ZRANB1: variants seen among roughly 807,000 people sequenced by gnomAD.
ZRANB1 encodes ubiquitin thioesterase ZRANB1.
In ZRANB1, 16 loss-of-function variants were observed where a neutral mutation model predicts 80.5. That is an observed-to-expected ratio of 0.20 (90% CI 0.13 to 0.30). The LOEUF (loss-of-function observed/expected upper bound fraction) is 0.30. Ranked by LOEUF, ZRANB1 falls within the 10% of genes least tolerant of loss-of-function variation. ZRANB1 has a pLI of 1.00. For missense variants in ZRANB1, 576 were observed against 862.6 expected (o/e 0.67, Z 4.16); for synonymous variants, 291 against 293.1 (o/e 0.99, Z 0.07).
chr10:124,985,310 T>A lies in ZRANB1; in HGVS notation c.*318T>A, dbSNP rs558061130. ...GTAAGACATTGTTTAATAGGAAAAG[T>A]TGTACCAGCATCTTCATATTATTGA... On this transcript the variant is annotated 3_prime_UTR_variant, in exon 9 of 9. Transcript: ENST00000359653. 8.0e-4 allele frequency: 173 copies of A among 217,370 alleles called. 1 individual carries two copies. The highest frequency in any genetic ancestry group is 1.7e-3 in the Admixed American group (29 of 17,522). 13.5% of individuals were successfully genotyped at this position (217,370 alleles called of 1,614,324 possible). A position where few individuals can be genotyped will look rare whatever the true frequency, so the allele number is the denominator to read the frequency against.
chr10:124,969,619 TAAG>T (rs1564964069), intron 2 of ZRANB1, among the ~76,000 whole-genome samples: 1 of 152,034 alleles, frequency 6.6e-6, no homozygotes, highest in African/African-American at 2.4e-5. Context: ...ATACAAAAAA[TAAG>T]AAGTAAATGA....
upstream of ZRANB1, among the ~76,000 whole-genome samples, chr10:124,939,491 G>GT (rs948760868): frequency 4.6e-5 from 7 of 152,012 alleles, no homozygotes; most frequent in Admixed American, 1.3e-4. Flanking sequence ...TTTTTTGTTT[G>GT]TTTTTTAAAT....
chr10:124,970,104 A>G (rs867901618), intron 2 of ZRANB1, among the ~76,000 whole-genome samples: 1 of 152,282 alleles, frequency 6.6e-6, no homozygotes, highest in Middle Eastern at 3.4e-3. Context: ...GAAATAGTCA[A>G]TTATATTCTG....
rs1205025652 is a variant in ZRANB1 at position 124,987,848 on chromosome 10, A to ATACTT, written c.*2858_*2862dup. On this transcript the variant is annotated 3_prime_UTR_variant, in exon 9 of 9. Coordinates refer to ENST00000359653, the MANE Select transcript of ZRANB1 (RefSeq NM_017580.3). ...TGTTGGACTTAATTGACACTTGCAAATACTTTTAGTATAAAGGTTTAATTC... is the reference window on the plus strand; with the variant it reads ...TGTTGGACTTAATTGACACTTGCAAATACTTTACTTTTAGTATAAAGGTTTAATTC... The ATACTT allele has an allele frequency of 2.0e-5, 3 of 152,238 alleles. No individual in the cohort carries two copies. The highest frequency in any genetic ancestry group is 4.4e-5 in the Non-Finnish European group (3 of 68,038). The allele number at this position is 152,238 out of a possible 1,614,324, so 9.4% of individuals were successfully genotyped here.
chr10:124,932,031 CT>C, the ZRANB1 span, among the ~76,000 whole-genome samples: 48 of 152,300 alleles, frequency 3.2e-4, no homozygotes, highest in Admixed American at 5.2e-4. Flanking sequence ...CATGTTTTGC[CT>C]TTTCTAGAAT....
chr10:124,919,328 T>A, the ZRANB1 span, among the ~76,000 whole-genome samples: 6 of 152,250 alleles, frequency 3.9e-5, no homozygotes, highest in South Asian at 1.2e-3. Flanking sequence ...GCGGATCGCC[T>A]GAGGTCAGTA....
At chr10:124,928,338 C>G in the ZRANB1 span, among the ~76,000 whole-genome samples, 1 of 152,178 alleles carries the variant, frequency 6.6e-6, no homozygotes, top group Non-Finnish European at 1.5e-5. Context: ...TCACCTTCCC[C>G]TGGGGCTGGG....
At chr10:124,935,672 A>T in the ZRANB1 span, among the ~76,000 whole-genome samples, 8,391 of 152,250 alleles carry the variant, frequency 0.055, 755 homozygotes, top group African/African-American at 0.19. Context: ...GCTGCCATGG[A>T]GTTGATTCCA....
Position 124,985,016 on chromosome 10 carries a change from A to G in ZRANB1, c.*24A>G. ...GAAAAAAAAAATCAAACAGCAGAAG[A>G]CCAAGGCATCAGATCTGTAATGACC... is the stretch of plus-strand genomic sequence containing the variant. On this transcript the variant is annotated 3_prime_UTR_variant, in exon 9 of 9. Transcript: ENST00000359653. The G allele has an allele frequency of 6.4e-7, 1 of 1,558,096 alleles. No homozygotes were observed. Among genetic ancestry groups the G allele is most frequent in the Non-Finnish European group, 8.8e-7 (1 of 1,141,004 alleles).
rs74160982 is a variant in ZRANB1, at chr10:124,952,349, G to A, written c.814+9042G>A. On this transcript the variant is annotated intron_variant, in intron 1 of 8. Transcript: ENST00000359653. ...TATAGATGGGACCATGAGAAGAGAA[G>A]CGGAGGCTTGAGAGAGTTGCAGGGC... is the stretch of plus-strand genomic sequence containing the variant. Among the ~76,000 whole-genome samples, 674 of 152,270 alleles carry A rather than the reference G, an allele frequency of 4.4e-3. 2 individuals carry two copies. Among genetic ancestry groups the A allele is most frequent in the African/African-American group, 0.012 (500 of 41,560 alleles).
rs1952018098 is a variant in ZRANB1 at position 124,985,731 on chromosome 10, G to T, written c.*739G>T. The T allele has an allele frequency of 6.6e-6, 1 of 152,354 alleles. No individual in the cohort carries two copies. Among genetic ancestry groups the T allele is most frequent in the Non-Finnish European group, 1.5e-5 (1 of 68,032 alleles). 9.4% of individuals were successfully genotyped at this position (152,354 alleles called of 1,614,324 possible). ...TTGGGAAGAATACCTTAAAATGAGG[G>T]TTCTTATTCCAGATTCTGGGCAGTG... On this transcript the variant is annotated 3_prime_UTR_variant, in exon 9 of 9. Coordinates refer to ENST00000359653, the MANE Select transcript of ZRANB1 (RefSeq NM_017580.3).
the ZRANB1 span, among the ~76,000 whole-genome samples, chr10:124,927,463 T>C: frequency 6.6e-6 from 1 of 152,214 alleles, no homozygotes; most frequent in Non-Finnish European, 1.5e-5. Flanking sequence ...TTGTTTGTGG[T>C]GGGTAATTAA....
chr10:124,958,914 C>G (rs1454491083), intron 1 of ZRANB1, among the ~76,000 whole-genome samples: 1 of 152,174 alleles, frequency 6.6e-6, no homozygotes, highest in Non-Finnish European at 1.5e-5. Context: ...AACATAAAAT[C>G]ATTTTTGGCC....
chr10:124,961,931 T>TCCAC lies in ZRANB1; in HGVS notation c.815-4663_815-4662insCCAC, dbSNP rs1564961433. 7.2e-5 allele frequency among the ~76,000 whole-genome samples: 11 copies of TCCAC among 152,352 alleles called. No homozygotes were observed. The East Asian group carries it at 1.7e-3, about 24-fold the overall frequency. ...GTGGATCTTAACTTGTTGCTATTAT[T>TCCAC]ATGTGGAAAATACAACCAGGAGGTG... On this transcript the variant is annotated intron_variant, in intron 1 of 8. Coordinates refer to ENST00000359653, the MANE Select transcript of ZRANB1 (RefSeq NM_017580.3).
chr10:124,952,859 C>T (rs1359821998), intron 1 of ZRANB1, among the ~76,000 whole-genome samples: 4 of 152,232 alleles, frequency 2.6e-5, no homozygotes, highest in Non-Finnish European at 5.9e-5. Context: ...ATCTGTCCAC[C>T]TTGGCTTCCC....
At chr10:124,927,026 C>T in the ZRANB1 span, among the ~76,000 whole-genome samples, 1 of 152,204 alleles carries the variant, frequency 6.6e-6, no homozygotes, top group Non-Finnish European at 1.5e-5. Flanking sequence ...GCGATCTCGG[C>T]TCACTGCAGG....
upstream of ZRANB1, among the ~76,000 whole-genome samples, chr10:124,939,346 C>T (rs1269527236): frequency 6.6e-6 from 1 of 152,056 alleles, no homozygotes; most frequent in Non-Finnish European, 1.5e-5. Flanking sequence ...TAATATAAGG[C>T]ACATCTCAAA....
the ZRANB1 span, among the ~76,000 whole-genome samples, chr10:124,934,604 G>A: frequency 6.6e-6 from 1 of 152,162 alleles, no homozygotes; most frequent in Non-Finnish European, 1.5e-5. Flanking sequence ...TTGTAGATGG[G>A]AAAACTGAGG....
chr10:124,960,769 G>GT (rs1951726794), intron 1 of ZRANB1, among the ~76,000 whole-genome samples: 1 of 152,056 alleles, frequency 6.6e-6, no homozygotes, highest in African/African-American at 2.4e-5. Context: ...TAAAAAAAAG[G>GT]TGGGCTAGAC....
Sources: allele counts gnomAD v4.1 joint callset (sites outside exome capture counted in the v4.1 genomes callset), GRCh38; gene constraint gnomAD v4.1.1; transcripts MANE v1.5; gene names NCBI Gene and HGNC (gene_info 2026-07-23, HGNC 2026-07-21).